Variants in PRKD3 observed in about 807,000 individuals in gnomAD.
The protein encoded by PRKD3 is serine/threonine-protein kinase D3.
Under a neutral mutation model 99.2 loss-of-function variants are expected in PRKD3, and 47 were observed. The ratio of observed to expected loss-of-function variants is 0.47; its 90% CI spans 0.38 to 0.60. The LOEUF (loss-of-function observed/expected upper bound fraction) is 0.60, where lower values mean the gene tolerates loss of function less well. Among genes scored for constraint, PRKD3 ranks in the 20% least tolerant of loss-of-function variants. The pLI, the probability that PRKD3 is intolerant of heterozygous loss-of-function variation, is 0.00. For missense variants in PRKD3, 1,019 were observed against 1,088.4 expected (o/e 0.94, Z 0.90); for synonymous variants, 392 against 355.4 (o/e 1.10, Z -1.16).
intron 1 of PRKD3, among the ~76,000 whole-genome samples, chr2:37,322,249 T>C (rs1671917307): frequency 6.6e-6 from 1 of 152,262 alleles, no homozygotes; most frequent in Non-Finnish European, 1.5e-5. Context: ...TATTGTATGT[T>C]GTATTTAAAA....
At chr2:37,260,125 C>G in intron 15 of PRKD3, 98 bp downstream of exon 15, 1 of 1,125,276 alleles carries the variant, frequency 8.9e-7, no homozygotes, top group Non-Finnish European at 1.2e-6. Flanking sequence ...GATTGCACCA[C>G]TGCACTCCAG....
intron 2 of PRKD3, among the ~76,000 whole-genome samples, chr2:37,301,897 T>C (rs769471759): frequency 2.0e-5 from 3 of 152,228 alleles, no homozygotes; most frequent in Non-Finnish European, 4.4e-5. Context: ...TATATGACAA[T>C]GTCCTGAGAC....
intron 3 of PRKD3, chr2:37,292,860 T>G (rs1345825123): frequency 4.2e-6 from 1 of 237,850 alleles, no homozygotes; most frequent in Non-Finnish European, 8.2e-6. Flanking sequence ...CTGCTCAGGC[T>G]GGTCTCAAAC....
intron 2 of PRKD3, among the ~76,000 whole-genome samples, chr2:37,304,690 C>T (rs147497121): frequency 0.028 from 4,187 of 148,826 alleles, 183 homozygotes; most frequent in African/African-American, 0.098. Context: ...TACAGCAAGC[C>T]GAAATTGCAC....
chr2:37,269,936 C>T (rs1669113234), intron 12 of PRKD3, among the ~76,000 whole-genome samples: 2 of 152,118 alleles, frequency 1.3e-5, no homozygotes, highest in Non-Finnish European at 2.9e-5. Context: ...TTTTAAAAAT[C>T]TTGTATTTAG....
chr2:37,308,283 T>C (rs1452263436), intron 2 of PRKD3, among the ~76,000 whole-genome samples: 1 of 152,224 alleles, frequency 6.6e-6, no homozygotes, highest in East Asian at 1.9e-4. Context: ...TAATAAAATC[T>C]CTAAACTGAT....
chr2:37,252,906 A>C lies in PRKD3; in HGVS notation c.*271T>G, dbSNP rs565088562. The C allele has an allele frequency of 3.0e-5, 6 of 197,080 alleles. No individual in the cohort carries two copies. The highest frequency in any genetic ancestry group is 3.0e-4 in the Admixed American group (5 of 16,476). 12.2% of individuals were successfully genotyped at this position (197,080 alleles called of 1,614,324 possible). A position where few individuals can be genotyped will look rare whatever the true frequency, so the allele number is the denominator to read the frequency against. On this transcript the variant is annotated 3_prime_UTR_variant, in exon 19 of 19. Transcript: ENST00000234179. The stretch of plus-strand genomic sequence containing the variant: ...AAATTAAGTGAGCCTATTGTATTAA[A>C]GTGAAGGATTAAGAAAAAATACAAA...
intron 3 of PRKD3, among the ~76,000 whole-genome samples, chr2:37,292,446 C>T (rs769793826): frequency 6.6e-5 from 10 of 151,540 alleles, no homozygotes; most frequent in East Asian, 3.9e-4. Context: ...CCTAGGTTCA[C>T]GCCATTCTCC....
Position 37,272,422 on chromosome 2 carries a change from A to T in PRKD3, c.1662T>A (p.Ser554=), listed in dbSNP as rs1189123289. ...GACAATTAGATACAGAGATACTTGT[A>T]GACAAATCTTCTGTAAAATATAAAA... ...PGQGKDHKDL[S]TSISVSNCQI... The change falls in exon 12 of 19, where the codon TCT becomes TCA. Residue 554 remains serine, a synonymous_variant. Transcript: ENST00000234179. 6.2e-7 allele frequency: 1 copy of T among 1,605,618 alleles called. No individual in the cohort carries two copies. The highest frequency in any genetic ancestry group is 1.3e-5 in the African/African-American group (1 of 74,314).
rs531871569 is a variant in PRKD3, at chr2:37,267,730, C to T, written c.1778-194G>A. On this transcript the variant is annotated intron_variant, in intron 13 of 18. Transcript: ENST00000234179. ...TCCCCTCCATACATAATATTTGCCCCTAATAAAGTCAGCTGCATTATCTAA... is the reference window on the plus strand; with the variant it reads ...TCCCCTCCATACATAATATTTGCCCTTAATAAAGTCAGCTGCATTATCTAA... The T allele has an allele frequency of 2.8e-5, 14 of 505,652 alleles. No individual in the cohort carries two copies. The East Asian group carries it at 4.4e-4, about 16-fold the overall frequency. The allele number at this position is 505,652 out of a possible 1,614,324, so 31.3% of individuals were successfully genotyped here. A position where few individuals can be genotyped will look rare whatever the true frequency, so the allele number is the denominator to read the frequency against.
intron 16 of PRKD3, among the ~76,000 whole-genome samples, chr2:37,258,042 G>A (rs1401019197): frequency 5.9e-5 from 9 of 152,180 alleles, no homozygotes; most frequent in African/African-American, 2.2e-4. Context: ...GCTCAAATCT[G>A]GGGGATTAAT....
In PRKD3 at chr2:37,274,561, C is replaced by G. The variant is rs766083978; in HGVS notation, c.1511G>C (p.Ser504Thr). 1.9e-6 allele frequency: 3 copies of G among 1,614,148 alleles called. No homozygotes were observed. The highest frequency in any genetic ancestry group is 2.5e-6 in the Non-Finnish European group (3 of 1,180,008). ...VYFVGENNGD[S>T]SHNPVLAATG... is the part of the protein sequence containing the mutation. ...GGCAGCAAGAACAGGATTATGAGAG[C>G]TGTCCCCATTGTTCTCACCAACGAA... Residue 504 changes from serine to threonine, a missense_variant, in exon 11 of 19, where the codon AGC (serine) becomes ACC (threonine). By Grantham distance (58) the Ser-to-Thr change is moderately conservative (BLOSUM62 1). This residue lies in a region of PRKD3 where 710 missense variants were observed against 692.7 expected (regional missense o/e 1.02). Coordinates refer to ENST00000234179, the MANE Select transcript of PRKD3 (RefSeq NM_005813.6).
chr2:37,287,605 G>A (rs1670183388), intron 5 of PRKD3, among the ~76,000 whole-genome samples: 1 of 152,136 alleles, frequency 6.6e-6, no homozygotes, highest in Non-Finnish European at 1.5e-5. Context: ...ATAGCTAGAT[G>A]GTAGTTGGGT....
At chr2:37,254,069 C>T in intron 18 of PRKD3, 135 bp downstream of exon 18, 1 of 649,400 alleles carries the variant, frequency 1.5e-6, no homozygotes, top group South Asian at 1.9e-5. Context: ...TCCAGAGATT[C>T]AGCCATAGTA....
At chr2:37,264,315 A>G (rs1030282578) in intron 14 of PRKD3, among the ~76,000 whole-genome samples, 3 of 152,238 alleles carry the variant, frequency 2.0e-5, no homozygotes, top group African/African-American at 7.2e-5. Flanking sequence ...TTCATTAAAT[A>G]TTAAATAAGA....
chr2:37,285,174 G>A (rs1172396224), intron 6 of PRKD3, among the ~76,000 whole-genome samples: 1 of 151,982 alleles, frequency 6.6e-6, no homozygotes, highest in Admixed American at 6.6e-5. Context: ...TCCTATCCTG[G>A]CTCAATGACT....
intron 2 of PRKD3, among the ~76,000 whole-genome samples, chr2:37,308,747 G>A (rs147532283): frequency 1.0e-3 from 159 of 152,162 alleles, no homozygotes; most frequent in African/African-American, 3.4e-3. Flanking sequence ...GGGCCAACGC[G>A]CCCAGCTAGT....
At chr2:37,277,714 T>C in intron 9 of PRKD3, 152 bp downstream of exon 9, 1 of 774,088 alleles carries the variant, frequency 1.3e-6, no homozygotes, top group Non-Finnish European at 1.9e-6. Context: ...TCCTTACAAA[T>C]TTAACTATAA....
chr2:37,317,125 CA>C lies in PRKD3; in HGVS notation c.-602del. On this transcript the variant is annotated 5_prime_UTR_variant, in exon 2 of 19. It removes an upstream start codon present in the reference 5' UTR. Transcript: ENST00000234179. ...TTTTTAAAATAGTACAGGCATATTT[CA>C]TTAGATGAATGGGTCCATCGAGAAA... 1 of 985,322 alleles carries C rather than the reference CA, an allele frequency of 1.0e-6. No homozygotes were observed. Among genetic ancestry groups the C allele is most frequent in the Non-Finnish European group, 1.2e-6 (1 of 829,896 alleles). 61.0% of individuals were successfully genotyped at this position (985,322 alleles called of 1,614,324 possible).
Sources: allele counts gnomAD v4.1 joint callset (sites outside exome capture counted in the v4.1 genomes callset), GRCh38; gene constraint gnomAD v4.1.1; regional missense constraint gnomAD v4.1.1; transcripts MANE v1.5; gene names NCBI Gene and HGNC (gene_info 2026-07-23, HGNC 2026-07-21).